The following DRC11 variants were observed in gnomAD, a reference collection of about 807,000 sequenced individuals.
DRC11 encodes IQ and AAA domain-containing protein 1.
chr2:236,399,291 G>A, the DRC11 span: 2 of 868,868 alleles, frequency 2.3e-6, no homozygotes, highest in Non-Finnish European at 3.8e-6. The surrounding 1 kb of genome is among the most constrained non-coding windows in gnomAD (Gnocchi z 7.0). Context: ...CGCCTGGCCA[G>A]GAAATTTAAA....
chr2:236,445,756 G>C, the DRC11 span, among the ~76,000 whole-genome samples: 1 of 151,960 alleles, frequency 6.6e-6, no homozygotes, highest in Admixed American at 6.6e-5. The surrounding 1 kb of genome is among the most constrained non-coding windows in gnomAD (Gnocchi z 4.8). Context: ...ACTGTTGTAG[G>C]GTACACATTA....
chr2:236,311,419 G>C, the DRC11 span, among the ~76,000 whole-genome samples: 1 of 152,216 alleles, frequency 6.6e-6, no homozygotes, highest in South Asian at 2.1e-4. This position sits in a 1 kb window ranked among gnomAD's most constrained non-coding sequence, Gnocchi z 6.9. Context: ...TCAAAGTGGG[G>C]CCTTGCTCCT....
the DRC11 span, among the ~76,000 whole-genome samples, chr2:236,455,988 G>T: frequency 6.6e-6 from 1 of 152,020 alleles, no homozygotes; most frequent in African/African-American, 2.4e-5. The surrounding 1 kb of genome is among the most constrained non-coding windows in gnomAD (Gnocchi z 5.7). Flanking sequence ...CCACCAGCCA[G>T]CCTCTCCTTT....
the DRC11 span, among the ~76,000 whole-genome samples, chr2:236,422,183 C>T: frequency 6.6e-6 from 1 of 152,178 alleles, no homozygotes; most frequent in African/African-American, 2.4e-5. Context: ...TCATATTCAA[C>T]ATAGTATTGG....
the DRC11 span, chr2:236,486,810 T>C: frequency 1.9e-6 from 3 of 1,555,310 alleles, no homozygotes; most frequent in South Asian, 1.1e-5. This position sits in a 1 kb window ranked among gnomAD's most constrained non-coding sequence, Gnocchi z 5.7. Flanking sequence ...CCAGATGCTA[T>C]CTCTTAAAAA....
chr2:236,502,692 A>G, the DRC11 span, among the ~76,000 whole-genome samples: 1 of 152,070 alleles, frequency 6.6e-6, no homozygotes, highest in African/African-American at 2.4e-5. Flanking sequence ...TGGAAGCCAC[A>G]TGAAATCTAG....
chr2:236,480,572 T>C, the DRC11 span, among the ~76,000 whole-genome samples: 1 of 152,234 alleles, frequency 6.6e-6, no homozygotes, highest in Non-Finnish European at 1.5e-5. Flanking sequence ...ATTTGATTTT[T>C]AGAAGTTATT....
At chr2:236,392,320 T>A in the DRC11 span, 1 of 1,596,890 alleles carries the variant, frequency 6.3e-7, no homozygotes, top group Non-Finnish European at 8.5e-7. This position sits in a 1 kb window ranked among gnomAD's most constrained non-coding sequence, Gnocchi z 5.1. Context: ...CTGAGAGAAA[T>A]TCCAAGACTC....
chr2:236,331,661 C>T, the DRC11 span: 3 of 1,238,674 alleles, frequency 2.4e-6, no homozygotes, highest in Middle Eastern at 2.2e-4. The surrounding 1 kb of genome is among the most constrained non-coding windows in gnomAD (Gnocchi z 4.8). Flanking sequence ...GCCAGTTTCC[C>T]TCTCGGTTGA....
chr2:236,434,851 C>G, the DRC11 span, among the ~76,000 whole-genome samples: 3 of 152,174 alleles, frequency 2.0e-5, no homozygotes, highest in Non-Finnish European at 4.4e-5. This position sits in a 1 kb window ranked among gnomAD's most constrained non-coding sequence, Gnocchi z 5.5. Flanking sequence ...ACTTTCAAGA[C>G]ACAACTTGTG....
the DRC11 span, among the ~76,000 whole-genome samples, chr2:236,470,583 G>A: frequency 1.4e-4 from 22 of 152,208 alleles, no homozygotes; most frequent in African/African-American, 5.3e-4. The surrounding 1 kb of genome is among the most constrained non-coding windows in gnomAD (Gnocchi z 5.1). Context: ...AAGATCATGC[G>A]AAGAGGGAGG....
At chr2:236,447,469 T>A in the DRC11 span, among the ~76,000 whole-genome samples, 1 of 148,768 alleles carries the variant, frequency 6.7e-6, no homozygotes, top group African/African-American at 2.6e-5. The surrounding 1 kb of genome is among the most constrained non-coding windows in gnomAD (Gnocchi z 4.6). Flanking sequence ...ATCTCCTCCA[T>A]GACAGCATCA....
chr2:236,492,999 T>A, the DRC11 span, among the ~76,000 whole-genome samples: 4 of 152,212 alleles, frequency 2.6e-5, no homozygotes, highest in Non-Finnish European at 5.9e-5. Flanking sequence ...AATGTATTAG[T>A]CCGTTTTCAC....
At chr2:236,431,886 T>A in the DRC11 span, among the ~76,000 whole-genome samples, 1 of 152,250 alleles carries the variant, frequency 6.6e-6, no homozygotes, top group Non-Finnish European at 1.5e-5. This position sits in a 1 kb window ranked among gnomAD's most constrained non-coding sequence, Gnocchi z 4.2. Flanking sequence ...AATGCTGCTA[T>A]GAACATTCAT....
At chr2:236,406,986 C>A in the DRC11 span, among the ~76,000 whole-genome samples, 1 of 152,154 alleles carries the variant, frequency 6.6e-6, no homozygotes, top group Admixed American at 6.5e-5. This position sits in a 1 kb window ranked among gnomAD's most constrained non-coding sequence, Gnocchi z 4.7. Context: ...ACCTCGTGAT[C>A]CGCCTGCCTC....
the DRC11 span, among the ~76,000 whole-genome samples, chr2:236,435,204 G>C: frequency 6.6e-6 from 1 of 152,232 alleles, no homozygotes; most frequent in African/African-American, 2.4e-5. Context: ...GTATTTTACT[G>C]CTGCAGAGAA....
the DRC11 span, among the ~76,000 whole-genome samples, chr2:236,336,568 C>T: frequency 1.2e-4 from 17 of 147,780 alleles, no homozygotes; most frequent in African/African-American, 3.9e-4. The surrounding 1 kb of genome is among the most constrained non-coding windows in gnomAD (Gnocchi z 7.3). Flanking sequence ...CCACCATTCC[C>T]AACACCCTCC....
chr2:236,404,911 C>T, the DRC11 span, among the ~76,000 whole-genome samples: 1 of 152,196 alleles, frequency 6.6e-6, no homozygotes, highest in African/African-American at 2.4e-5. Context: ...GGGCTGCTCT[C>T]TGCTTCAGAG....
At chr2:236,501,914 G>GA in the DRC11 span, among the ~76,000 whole-genome samples, 1 of 152,198 alleles carries the variant, frequency 6.6e-6, no homozygotes, top group South Asian at 2.1e-4. Context: ...CAGGAGGGTT[G>GA]ACTGCAGGAG....
Sources: gnomAD v4.1 joint callset for allele counts (sites outside exome capture counted in the v4.1 genomes callset) on GRCh38, gnomAD v4.1.1 for gene constraint, Gnocchi (gnomAD v3.1) non-coding constraint, MANE v1.5 for transcripts, NCBI Gene and HGNC (gene_info 2026-07-23, HGNC 2026-07-21) for gene names.